Variants in GALNT13 observed in about 807,000 individuals in gnomAD.
The protein encoded by GALNT13 is polypeptide N-acetylgalactosaminyltransferase 13, also known as UDP-GalNAc:polypeptide N-acetylgalactosaminyltransferase 13.
Under a neutral mutation model 64.2 loss-of-function variants are expected in GALNT13, and 28 were observed. That is an observed-to-expected ratio of 0.44 (90% CI 0.32 to 0.60). The LOEUF (loss-of-function observed/expected upper bound fraction) is 0.60. Ranked by LOEUF, GALNT13 falls within the 20% of genes least tolerant of loss-of-function variation. The pLI is 0.05. For missense variants in GALNT13, 577 were observed against 669.8 expected, an observed-to-expected ratio of 0.86 and a Z score of 1.53; for synonymous variants, 214 against 224.6, an observed-to-expected ratio of 0.95 and a Z score of 0.42.
chr2:154,250,837 A>G (rs1690030679), intron 7 of GALNT13, among the ~76,000 whole-genome samples: 1 of 152,102 alleles, frequency 6.6e-6, no homozygotes, highest in Admixed American at 6.6e-5. Context: ...CAAAGCCTTT[A>G]AAACACTTCT....
intron 2 of GALNT13, among the ~76,000 whole-genome samples, chr2:153,919,420 A>G (rs1380031887): frequency 6.6e-6 from 1 of 151,998 alleles, no homozygotes; most frequent in Admixed American, 6.6e-5. Flanking sequence ...TCTGTTATAA[A>G]TAATTAAAAT....
the GALNT13 span, among the ~76,000 whole-genome samples, chr2:153,326,577 G>A: frequency 6.6e-6 from 1 of 152,112 alleles, no homozygotes; most frequent in South Asian, 2.1e-4. Flanking sequence ...TTTCTTCATA[G>A]TGTCGATGGT....
chr2:153,597,228 C>A, the GALNT13 span, among the ~76,000 whole-genome samples: 1 of 151,964 alleles, frequency 6.6e-6, no homozygotes, highest in Non-Finnish European at 1.5e-5. Flanking sequence ...TATTTCAGTA[C>A]GGTCACAGCA....
At chr2:153,899,115 G>T (rs1298640254) in intron 1 of GALNT13, among the ~76,000 whole-genome samples, 1 of 152,072 alleles carries the variant, frequency 6.6e-6, no homozygotes, top group Non-Finnish European at 1.5e-5. Context: ...AAAAACCATG[G>T]TGTGGGACAA....
At chr2:153,472,133 A>G in the GALNT13 span, among the ~76,000 whole-genome samples, 1 of 152,344 alleles carries the variant, frequency 6.6e-6, no homozygotes, top group African/African-American at 2.4e-5. Context: ...CTTTTTCCAA[A>G]GCAATCAGAC....
At chr2:154,253,579 G>A (rs1476124630) in intron 7 of GALNT13, among the ~76,000 whole-genome samples, 6 of 152,088 alleles carry the variant, frequency 3.9e-5, no homozygotes, top group Non-Finnish European at 8.8e-5. Flanking sequence ...CCAAGAGTTC[G>A]AGATTATCCT....
At chr2:153,444,114 A>T in the GALNT13 span, among the ~76,000 whole-genome samples, 10 of 152,194 alleles carry the variant, frequency 6.6e-5, no homozygotes, top group South Asian at 2.1e-4. Flanking sequence ...CCATCTACAT[A>T]TCTGTCATCT....
At chr2:153,110,560 C>CT in the GALNT13 span, among the ~76,000 whole-genome samples, 2 of 152,050 alleles carry the variant, frequency 1.3e-5, no homozygotes, top group Non-Finnish European at 2.9e-5. Context: ...GGATCAGGAG[C>CT]TTTTGTTCCT....
intron 3 of GALNT13, among the ~76,000 whole-genome samples, chr2:153,996,679 A>C (rs142235514): frequency 1.3e-5 from 2 of 152,220 alleles, no homozygotes; most frequent in East Asian, 3.9e-4. Context: ...AGTTTTACAT[A>C]ATTTCATCTG....
chr2:153,848,941 A>G, the GALNT13 span, among the ~76,000 whole-genome samples: 4 of 150,608 alleles, frequency 2.7e-5, no homozygotes, highest in African/African-American at 9.7e-5. Flanking sequence ...AAATTATTTT[A>G]TAATACAGCA....
At chr2:154,160,721 A>AAGAT (rs1188606375) in intron 4 of GALNT13, among the ~76,000 whole-genome samples, 1 of 152,194 alleles carries the variant, frequency 6.6e-6, no homozygotes, top group Non-Finnish European at 1.5e-5. Flanking sequence ...TACATGTTTT[A>AAGAT]AGATTCCCAT....
the GALNT13 span, among the ~76,000 whole-genome samples, chr2:153,344,010 C>T: frequency 6.6e-6 from 1 of 152,108 alleles, no homozygotes; most frequent in Non-Finnish European, 1.5e-5. Flanking sequence ...ACTCCCCCTG[C>T]TTTTCCTGAG....
At chr2:153,113,420 G>A in the GALNT13 span, among the ~76,000 whole-genome samples, 2 of 151,986 alleles carry the variant, frequency 1.3e-5, no homozygotes, top group Admixed American at 6.6e-5. Flanking sequence ...TTAGTGAGTT[G>A]TTAAACTTTT....
chr2:153,684,148 G>T, the GALNT13 span, among the ~76,000 whole-genome samples: 1 of 151,472 alleles, frequency 6.6e-6, no homozygotes, highest in African/African-American at 2.4e-5. Flanking sequence ...TCATTTTACA[G>T]GTAGCCTGGG....
the GALNT13 span, among the ~76,000 whole-genome samples, chr2:153,701,828 C>G: frequency 6.6e-6 from 1 of 152,106 alleles, no homozygotes; most frequent in African/African-American, 2.4e-5. Flanking sequence ...AGTCAAGAAA[C>G]AAAAGATGCT....
At chr2:153,549,822 C>T in the GALNT13 span, among the ~76,000 whole-genome samples, 2 of 152,120 alleles carry the variant, frequency 1.3e-5, no homozygotes, top group African/African-American at 4.8e-5. Flanking sequence ...TTGCTGATGA[C>T]CATATTAAAA....
chr2:153,678,611 C>A, the GALNT13 span, among the ~76,000 whole-genome samples: 1 of 151,754 alleles, frequency 6.6e-6, no homozygotes, highest in African/African-American at 2.4e-5. Flanking sequence ...AATCTGTATG[C>A]CAAACCTCCA....
chr2:154,389,246 C>G (rs188857770), intron 9 of GALNT13, among the ~76,000 whole-genome samples: 1 of 152,250 alleles, frequency 6.6e-6, no homozygotes, highest in East Asian at 1.9e-4. Context: ...AGTGATACTC[C>G]TGCCTCAGCC....
chr2:154,339,726 T>TTTAAATTTAAATTTAAATTTTTTCA (rs2105219812), intron 9 of GALNT13, among the ~76,000 whole-genome samples: 1 of 152,248 alleles, frequency 6.6e-6, no homozygotes, highest in South Asian at 2.1e-4. Context: ...ATTTAAATTC[T>TTTAAATTTAAATTTAAATTTTTTCA]GATTTCCAAG....
Sources: allele counts gnomAD v4.1 joint callset (sites outside exome capture counted in the v4.1 genomes callset), GRCh38; gene constraint gnomAD v4.1.1; transcripts MANE v1.5; gene names NCBI Gene and HGNC (gene_info 2026-07-23, HGNC 2026-07-21).